The following MAMSTR variants were observed in gnomAD, a reference collection of about 807,000 sequenced individuals.
MAMSTR encodes the protein MEF2-activating motif and SAP domain-containing transcriptional regulator.
In MAMSTR, 41 loss-of-function variants were observed where a neutral mutation model predicts 42.7. That is an observed-to-expected ratio of 0.96 (90% CI 0.75 to 1.25). MAMSTR has a LOEUF of 1.25. Among genes scored for constraint, MAMSTR ranks in the 50% most tolerant of loss-of-function variants. The probability of loss-of-function intolerance (pLI) is 0.00; values close to 1 mark genes in which losing one functional copy is unlikely to be tolerated. For synonymous variants in MAMSTR, 265 were observed against 244.1 expected, an observed-to-expected ratio of 1.09 and a Z score of -0.80; for missense variants, 567 against 557.6, an observed-to-expected ratio of 1.02 and a Z score of -0.17.
At chr19:48,717,831 A>G (rs2033103323) in intron 2 of MAMSTR, among the ~76,000 whole-genome samples, 1 of 152,078 alleles carries the variant, frequency 6.6e-6, no homozygotes, top group South Asian at 2.1e-4. Context: ...CAGCCTCCCC[A>G]GTAGCTGGGA....
At chr19:48,707,901 A>AAAGAAAGAAAGAAAAGAAAGAAAGGAAGG (rs1555755230), downstream of MAMSTR, among the ~76,000 whole-genome samples, 25 of 128,540 alleles carry the variant, frequency 1.9e-4, no homozygotes, top group African/African-American at 3.3e-4. Context: ...AGAAAGAAAG[A>AAAGAAAGAAAGAAAAGAAAGAAAGGAAGG]AAGGAAGAAA....
Position 48,713,321 on chromosome 19 carries a change from G to T in MAMSTR, c.1194C>A (p.Asp398Glu), listed in dbSNP as rs746101267. The change falls in exon 10 of 10, where the codon GAC (aspartate) becomes GAA (glutamate). Residue 398 changes from aspartate to glutamate, a missense_variant. Coordinates refer to ENST00000318083, the MANE Select transcript of MAMSTR (RefSeq NM_001130915.2). ...GPPPPSIFSADLSDSSSSRLW... is the reference protein window; with the variant it reads ...GPPPPSIFSAELSDSSSSRLW... The stretch of plus-strand genomic sequence containing the variant: ...GCCGGCTGCTGCTGGAGTCAGATAA[G>T]TCAGCGGAGAAGATGCTGGGGGGTG... 49 of 1,607,626 alleles carry T rather than the reference G, an allele frequency of 3.0e-5. No individual in the cohort carries two copies. Among genetic ancestry groups the T allele is most frequent in the Non-Finnish European group, 4.2e-5 (49 of 1,178,408 alleles).
At chr19:48,716,851 C>T in intron 2 of MAMSTR, 108 bp from the exon 3 acceptor site, 27 of 1,249,272 alleles carry the variant, frequency 2.2e-5, no homozygotes, top group Non-Finnish European at 2.6e-5. Context: ...TATGCGTGCC[C>T]AGCCCCCTTA....
At chr19:48,707,888 A>AAGG (rs1555755225), downstream of MAMSTR, among the ~76,000 whole-genome samples, 3 of 80,418 alleles carry the variant, frequency 3.7e-5, no homozygotes, top group African/African-American at 1.7e-4. Flanking sequence ...AGAAAGAAAG[A>AAGG]AAAGAAAGAA....
At position 48,713,327 on chromosome 19, in the gene MAMSTR, G is replaced by A; in HGVS notation, c.1188C>T (p.Ser396=). ...GSGPPPPSIF[S]ADLSDSSSSR... The stretch of plus-strand genomic sequence containing the variant: ...TGCTGCTGGAGTCAGATAAGTCAGC[G>A]GAGAAGATGCTGGGGGGTGGGGGAC... The change falls in exon 10 of 10, where the codon TCC becomes TCT. Residue 396 remains serine (S), a synonymous_variant. Coordinates refer to ENST00000318083, the MANE Select transcript of MAMSTR (RefSeq NM_001130915.2). The A allele has an allele frequency of 5.0e-6, 8 of 1,608,548 alleles. No individual in the cohort carries two copies. Among genetic ancestry groups the A allele is most frequent in the African/African-American group, 1.3e-5 (1 of 74,628 alleles).
chr19:48,715,041 G>T (rs1050438940), intron 5 of MAMSTR, 133 bp from the exon 6 acceptor site: 3 of 692,986 alleles, frequency 4.3e-6, no homozygotes, highest in Admixed American at 2.9e-5. Flanking sequence ...CTCCAAGGGC[G>T]CAAACATGGG....
chr19:48,714,881 G>A lies in MAMSTR; in HGVS notation c.453C>T (p.Cys151=). The change falls in exon 6 of 10, where the codon TGC becomes TGT. Residue 151 remains cysteine, a synonymous_variant. Transcript: ENST00000318083. The part of the protein sequence containing the change: ...PRMKPSPLTP[C]PPGVPSPSPP... ...GCGAGGGGCTAGGGACTCCTGGTGG[G>A]CAGGGAGTGAGGGGAGAGGGCTTCA... 6.2e-7 allele frequency: 1 copy of A among 1,610,896 alleles called. No individual in the cohort carries two copies.
chr19:48,713,870 C>A lies in MAMSTR; in HGVS notation c.899G>T (p.Arg300Leu), dbSNP rs765136248. The A allele has an allele frequency of 6.2e-7, 1 of 1,612,718 alleles. No individual in the cohort carries two copies. The highest frequency in any genetic ancestry group is 1.7e-5 in the Admixed American group (1 of 59,992). ...CCCACACCCTCTTACCTGCGCCCTC[C>A]GGATCGCTTCCTGCAGCTCCTCCTC... ...TLEEELQEAI[R>L]RAQLLPNRGI... is the part of the protein sequence containing the mutation. Residue 300 changes from arginine to leucine, a missense_variant, in exon 8 of 10, where the codon CGG becomes CTG. Physicochemically the swap from Arg to Leu is moderately radical, Grantham distance 102 (BLOSUM62 -2). Coordinates refer to ENST00000318083, the MANE Select transcript of MAMSTR (RefSeq NM_001130915.2).
At chr19:48,707,888 A>AAAGAAAGG (rs776827691), downstream of MAMSTR, among the ~76,000 whole-genome samples, 29 of 80,466 alleles carry the variant, frequency 3.6e-4, no homozygotes, top group African/African-American at 1.4e-3. Context: ...AGAAAGAAAG[A>AAAGAAAGG]AAAGAAAGAA....
chr19:48,706,297 A>AG, the MAMSTR span, among the ~76,000 whole-genome samples: 2 of 150,920 alleles, frequency 1.3e-5, no homozygotes, highest in East Asian at 3.9e-4. Flanking sequence ...AAAAAAAAAA[A>AG]AAAAATTCTT....
intron 2 of MAMSTR, among the ~76,000 whole-genome samples, chr19:48,717,797 C>T (rs997277463): frequency 2.0e-5 from 3 of 152,160 alleles, no homozygotes; most frequent in East Asian, 1.9e-4. Context: ...CTCCACCTCC[C>T]GGGTGCAAGC....
the MAMSTR span, among the ~76,000 whole-genome samples, chr19:48,707,431 T>C: frequency 3.4e-5 from 5 of 147,238 alleles, no homozygotes; most frequent in Admixed American, 2.7e-4. Context: ...AAAAAGATAA[T>C]TGAAAAGATA....
chr19:48,713,657 A>G, intron 9 of MAMSTR, 59 bp downstream of exon 9: 1 of 1,610,378 alleles, frequency 6.2e-7, no homozygotes, highest in South Asian at 1.1e-5. Context: ...CCTCCCTTGG[A>G]CGCAGGAGTC....
At chr19:48,707,860 A>G (rs1232834347), downstream of MAMSTR, among the ~76,000 whole-genome samples, 2 of 108,668 alleles carry the variant, frequency 1.8e-5, no homozygotes, top group African/African-American at 7.6e-5. Flanking sequence ...AGAAAGAAAG[A>G]AAGAAAGAAA....
the MAMSTR span, among the ~76,000 whole-genome samples, chr19:48,707,099 C>T: frequency 6.6e-6 from 1 of 151,210 alleles, no homozygotes; most frequent in African/African-American, 2.4e-5. Flanking sequence ...TAGCAAGACA[C>T]CATCACTAAC....
At chr19:48,709,745 C>A (rs570177613), downstream of MAMSTR, among the ~76,000 whole-genome samples, 1 of 152,340 alleles carries the variant, frequency 6.6e-6, no homozygotes, top group South Asian at 2.1e-4. Context: ...AGCACAGGCT[C>A]CCTGAGCCAG....
In MAMSTR at chr19:48,715,441, A is replaced by G. The variant is rs1404759503; in HGVS notation, c.246T>C (p.Ser82=). ...CPPWRSPKKE[S]PKISQRWRES... ...CCCTCCAACGTTGGGAGATCTTGGG[A>G]GACTCCTGAAAGAGCAGGTGTGATG... The change falls in exon 5 of 10, where the codon TCT becomes TCC. Residue 82 remains serine, a synonymous_variant. Transcript: ENST00000318083. 2.0e-6 allele frequency: 3 copies of G among 1,491,592 alleles called. No individual in the cohort carries two copies. The highest frequency in any genetic ancestry group is 2.9e-5 in the African/African-American group (2 of 70,086). 92.4% of individuals were successfully genotyped at this position (1,491,592 alleles called of 1,614,324 possible).
intron 2 of MAMSTR, 113 bp from the exon 3 acceptor site, chr19:48,716,856 C>T (rs2033059149): frequency 7.2e-6 from 9 of 1,244,094 alleles, no homozygotes; most frequent in Non-Finnish European, 9.1e-6. Context: ...GTGCCCAGCC[C>T]CCTTACACAG....
chr19:48,706,615 C>T, the MAMSTR span, among the ~76,000 whole-genome samples: 1 of 151,990 alleles, frequency 6.6e-6, no homozygotes, highest in Admixed American at 6.6e-5. Context: ...GCAGCCTGGG[C>T]AACAAGAGCG....
Sources: allele counts gnomAD v4.1 joint callset (sites outside exome capture counted in the v4.1 genomes callset), GRCh38; gene constraint gnomAD v4.1.1; transcripts MANE v1.5; gene names NCBI Gene and HGNC (gene_info 2026-07-23, HGNC 2026-07-21).